NEGR1: variants seen among roughly 807,000 people sequenced by gnomAD.
NEGR1 encodes the protein neuronal growth regulator 1.
In NEGR1, 10 loss-of-function variants were observed where a neutral mutation model predicts 40.9. The ratio of observed to expected loss-of-function variants is 0.24; its 90% confidence interval spans 0.15 to 0.42. NEGR1 has a LOEUF of 0.42. NEGR1 is among the 10% of genes least tolerant of loss of function. The probability of loss-of-function intolerance (pLI) is 1.00; values close to 1 mark genes in which losing one functional copy is unlikely to be tolerated. For synonymous variants in NEGR1, 185 were observed against 166.8 expected (o/e 1.11, Z -0.84); for missense variants, 352 against 438.9 (o/e 0.80, Z 1.77).
chr1:71,463,980 C>G (rs542881535), intron 6 of NEGR1, among the ~76,000 whole-genome samples: 1 of 152,216 alleles, frequency 6.6e-6, no homozygotes, highest in South Asian at 2.1e-4. Context: ...TTTCTCAGAA[C>G]TGGGGCATTT....
At chr1:71,636,818 A>G (rs533015632) in intron 4 of NEGR1, among the ~76,000 whole-genome samples, 1 of 152,176 alleles carries the variant, frequency 6.6e-6, no homozygotes, top group East Asian at 1.9e-4. Context: ...AACAAGCTAG[A>G]TAGTGGTTCG....
intron 1 of NEGR1, among the ~76,000 whole-genome samples, chr1:72,263,652 A>G (rs1006318387): frequency 4.0e-5 from 6 of 151,572 alleles, no homozygotes; most frequent in Non-Finnish European, 7.4e-5. Flanking sequence ...AAACAAAGAG[A>G]ATTTTTAGAA....
intron 4 of NEGR1, among the ~76,000 whole-genome samples, chr1:71,667,766 T>C (rs966920695): frequency 6.6e-6 from 1 of 152,178 alleles, no homozygotes; most frequent in African/African-American, 2.4e-5. Flanking sequence ...TTCAAATCTT[T>C]CCTTATCCTC....
chr1:71,540,613 A>G (rs1345365680), intron 6 of NEGR1, among the ~76,000 whole-genome samples: 5 of 151,670 alleles, frequency 3.3e-5, no homozygotes, highest in African/African-American at 1.2e-4. Context: ...AGATTAACAC[A>G]TTACTCATCA....
At chr1:71,426,035 C>G (rs1250493361) in intron 6 of NEGR1, among the ~76,000 whole-genome samples, 1 of 152,156 alleles carries the variant, frequency 6.6e-6, no homozygotes, top group East Asian at 1.9e-4. Context: ...AGTGAAGCTG[C>G]AAGAGTACCT....
chr1:72,261,812 T>C (rs1308246923), intron 1 of NEGR1, among the ~76,000 whole-genome samples: 2 of 151,966 alleles, frequency 1.3e-5, no homozygotes, highest in Non-Finnish European at 2.9e-5. Context: ...AGTTAAACAA[T>C]GTGTAACATG....
intron 6 of NEGR1, chr1:71,408,937 G>A (rs2101259124): frequency 6.6e-6 from 1 of 152,060 alleles, no homozygotes; most frequent in African/African-American, 2.4e-5. Context: ...ACACTTCCAA[G>A]AAATTAAAGG....
At chr1:71,723,189 G>T (rs1044796305) in intron 3 of NEGR1, among the ~76,000 whole-genome samples, 2 of 151,968 alleles carry the variant, frequency 1.3e-5, no homozygotes, top group Non-Finnish European at 2.9e-5. Flanking sequence ...ATTGGGCTTA[G>T]AATTCATTGA....
chr1:71,582,255 A>T (rs1369094250), intron 6 of NEGR1, among the ~76,000 whole-genome samples: 5 of 152,220 alleles, frequency 3.3e-5, no homozygotes, highest in Admixed American at 1.3e-4. Flanking sequence ...GAAAAACTAT[A>T]GAAAATATAA....
At chr1:72,171,881 A>AT (rs1309758368) in intron 1 of NEGR1, among the ~76,000 whole-genome samples, 2 of 152,130 alleles carry the variant, frequency 1.3e-5, no homozygotes, top group African/African-American at 2.4e-5. Flanking sequence ...ACAACTAAAC[A>AT]TTTTTTTCTC....
intron 1 of NEGR1, among the ~76,000 whole-genome samples, chr1:72,173,378 A>G (rs1337017191): frequency 8.3e-6 from 1 of 119,912 alleles, no homozygotes; most frequent in Non-Finnish European, 1.8e-5. Context: ...ATTCATATTC[A>G]CATGTTCCAG....
At chr1:72,244,489 G>A (rs1654842739) in intron 1 of NEGR1, among the ~76,000 whole-genome samples, 1 of 151,728 alleles carries the variant, frequency 6.6e-6, no homozygotes, top group East Asian at 1.9e-4. Flanking sequence ...ATGTATATAT[G>A]TATGTAAACA....
chr1:72,050,079 A>C (rs1159252320), intron 1 of NEGR1, among the ~76,000 whole-genome samples: 1 of 151,604 alleles, frequency 6.6e-6, no homozygotes, highest in Non-Finnish European at 1.5e-5. Flanking sequence ...GATTCTGTTA[A>C]AGTCCACTGC....
At chr1:71,626,797 C>CAAGAA (rs1182936474) in intron 4 of NEGR1, among the ~76,000 whole-genome samples, 1 of 151,558 alleles carries the variant, frequency 6.6e-6, no homozygotes, top group African/African-American at 2.4e-5. Flanking sequence ...AACAAATTTA[C>CAAGAA]AAGAAAAAAA....
intron 1 of NEGR1, among the ~76,000 whole-genome samples, chr1:72,135,025 C>CT (rs1650398263): frequency 6.6e-6 from 1 of 151,288 alleles, no homozygotes; most frequent in South Asian, 2.1e-4. Flanking sequence ...GCGTGAGCCA[C>CT]TGCGCCTGGC....
chr1:71,442,686 C>A (rs779539289), intron 6 of NEGR1, among the ~76,000 whole-genome samples: 2 of 152,034 alleles, frequency 1.3e-5, no homozygotes, highest in African/African-American at 2.4e-5. Flanking sequence ...ATGGCAAAAT[C>A]CTAACAACTT....
intron 6 of NEGR1, chr1:71,407,771 A>T: frequency 1.9e-6 from 1 of 520,856 alleles, no homozygotes; most frequent in Non-Finnish European, 3.5e-6. Flanking sequence ...CTCAAGGGCA[A>T]AATGAAAATA....
At chr1:72,094,485 C>G (rs1300644488) in intron 1 of NEGR1, among the ~76,000 whole-genome samples, 1 of 152,122 alleles carries the variant, frequency 6.6e-6, no homozygotes, top group Non-Finnish European at 1.5e-5. Flanking sequence ...AGAACAGTGC[C>G]TGGTCTTTTC....
At chr1:71,607,714 A>G (rs1650115346) in intron 5 of NEGR1, among the ~76,000 whole-genome samples, 1 of 152,082 alleles carries the variant, frequency 6.6e-6, no homozygotes. Context: ...TATTTTGTTG[A>G]GAGAGAGTAT....
Sources: allele counts gnomAD v4.1 joint callset (sites outside exome capture counted in the v4.1 genomes callset), GRCh38; gene constraint gnomAD v4.1.1; transcripts MANE v1.5; gene names NCBI Gene and HGNC (gene_info 2026-07-23, HGNC 2026-07-21).